Variants in IMMP2L observed in about 807,000 individuals in gnomAD.
IMMP2L encodes inner mitochondrial membrane peptidase subunit 2, also known as mitochondrial inner membrane protease subunit 2.
In IMMP2L, 18 loss-of-function variants were observed where a neutral mutation model predicts 19.3. That is an observed-to-expected ratio of 0.93 (90% CI 0.64 to 1.38). The LOEUF (loss-of-function observed/expected upper bound fraction) is 1.38, where lower values mean the gene tolerates loss of function less well. Among genes scored for constraint, IMMP2L ranks in the 40% most tolerant of loss-of-function variants. The pLI, the probability that IMMP2L is intolerant of heterozygous loss-of-function variation, is 0.00. For synonymous variants in IMMP2L, 76 were observed against 73.0 expected (o/e 1.04, Z -0.21); for missense variants, 233 against 218.2 (o/e 1.07, Z -0.43).
chr7:111,054,049 A>T (rs574214688), intron 3 of IMMP2L, among the ~76,000 whole-genome samples: 41 of 810 alleles, frequency 0.051, no homozygotes, highest in South Asian at 0.49. Context: ...CAGGAAAATA[A>T]AAAAAATGGG....
At position 111,123,726 on chromosome 7, in the gene IMMP2L, C is replaced by T; in HGVS notation, c.240-160161G>A. On this transcript the variant is annotated intron_variant, in intron 3 of 5. Transcript: ENST00000405709. The surrounding 1 kb of genome is among the most constrained non-coding windows in gnomAD (Gnocchi z 6.4). ...ATTTAAGAAAAATAGAAGCTACTAA[C>T]AACCCTAGATTGTCTTACATTCACC... 6.2e-7 allele frequency: 1 copy of T among 1,613,864 alleles called. No individual in the cohort carries two copies. The highest frequency in any genetic ancestry group is 8.5e-7 in the Non-Finnish European group (1 of 1,179,906).
chr7:111,003,637 G>A (rs1477413985), intron 3 of IMMP2L, among the ~76,000 whole-genome samples: 1 of 151,714 alleles, frequency 6.6e-6, no homozygotes, highest in Non-Finnish European at 1.5e-5. Flanking sequence ...TTAGCCTCCT[G>A]GGTGGCTGGG....
intron 3 of IMMP2L, among the ~76,000 whole-genome samples, chr7:111,390,198 G>A (rs892801949): frequency 6.6e-5 from 10 of 152,038 alleles, no homozygotes; most frequent in Admixed American, 5.2e-4. Flanking sequence ...TGGGGTATTC[G>A]ACATCCTCAG....
intron 3 of IMMP2L, among the ~76,000 whole-genome samples, chr7:111,364,481 T>C (rs745346133): frequency 6.6e-5 from 10 of 151,802 alleles, no homozygotes; most frequent in Non-Finnish European, 1.2e-4. Flanking sequence ...TACAGGATCA[T>C]ATTCAGTAGG....
chr7:111,413,881 T>C (rs935174664), intron 3 of IMMP2L, among the ~76,000 whole-genome samples: 3 of 151,762 alleles, frequency 2.0e-5, no homozygotes, highest in Non-Finnish European at 2.9e-5. Flanking sequence ...CTGCTTCCGA[T>C]ATGCTTTGTT....
intron 3 of IMMP2L, among the ~76,000 whole-genome samples, chr7:111,093,085 T>C (rs887100125): frequency 2.0e-5 from 3 of 152,160 alleles, no homozygotes; most frequent in African/African-American, 7.2e-5. Flanking sequence ...ATATAAGAAG[T>C]CAATTAATTC....
intron 3 of IMMP2L, among the ~76,000 whole-genome samples, chr7:111,028,161 C>T (rs1393299100): frequency 6.6e-6 from 1 of 151,998 alleles, no homozygotes; most frequent in African/African-American, 2.4e-5. Context: ...TGTTAATCAA[C>T]CTTCCTACAC....
rs568907685 is a variant in IMMP2L at position 111,327,210 on chromosome 7, A to G, written c.239+160028T>C. 7.9e-5 allele frequency among the ~76,000 whole-genome samples: 12 copies of G among 151,844 alleles called. No homozygotes were observed. In the South Asian group the frequency reaches 2.5e-3, roughly 32 times the overall value. On this transcript the variant is annotated intron_variant, in intron 3 of 5. Transcript: ENST00000405709. ...GTTTAATTCATAAAGGCAAAAAGGG[A>G]ATGGTGGTGGTCAGGGGCTTGGGAG... is the stretch of plus-strand genomic sequence containing the variant.
At chr7:110,674,601 A>T (rs970324166) in intron 5 of IMMP2L, among the ~76,000 whole-genome samples, 1 of 152,252 alleles carries the variant, frequency 6.6e-6, no homozygotes, top group African/African-American at 2.4e-5. Flanking sequence ...GATGATATTT[A>T]TTCTACAATA....
intron 3 of IMMP2L, among the ~76,000 whole-genome samples, chr7:111,002,108 C>T (rs1823768753): frequency 6.6e-6 from 1 of 151,854 alleles, no homozygotes; most frequent in Admixed American, 6.6e-5. Flanking sequence ...CTTCCTGATA[C>T]TATGAGAGTC....
chr7:110,702,123 C>T (rs1243207074), intron 5 of IMMP2L, among the ~76,000 whole-genome samples: 5 of 151,066 alleles, frequency 3.3e-5, no homozygotes, highest in Non-Finnish European at 5.9e-5. Flanking sequence ...TTTGTAGAGA[C>T]GGATTTTCAC....
At chr7:111,032,327 T>C (rs566991541) in intron 3 of IMMP2L, among the ~76,000 whole-genome samples, 1 of 152,080 alleles carries the variant, frequency 6.6e-6, no homozygotes, top group Non-Finnish European at 1.5e-5. Flanking sequence ...CCTACATAAA[T>C]ATGATAAACT....
intron 3 of IMMP2L, among the ~76,000 whole-genome samples, chr7:111,137,495 A>T (rs917909728): frequency 5.3e-5 from 8 of 152,136 alleles, no homozygotes; most frequent in Non-Finnish European, 1.2e-4. Context: ...ATTTTTTTCT[A>T]TTTCATACAC....
chr7:110,696,425 C>T (rs1304648030), intron 5 of IMMP2L, among the ~76,000 whole-genome samples: 21 of 119,844 alleles, frequency 1.8e-4, no homozygotes, highest in East Asian at 2.5e-4. Context: ...TCCTTTTTCT[C>T]TTTTTTTTTT....
intron 3 of IMMP2L, among the ~76,000 whole-genome samples, chr7:111,114,561 C>A (rs943146326): frequency 2.7e-4 from 41 of 151,786 alleles, no homozygotes; most frequent in Admixed American, 2.2e-3. Flanking sequence ...CATGGTGAAA[C>A]CCCATCTGTA....
Position 111,529,811 on chromosome 7 carries a change from G to A in IMMP2L, c.-2-8362C>T, listed in dbSNP as rs1258351223. 4.6e-5 allele frequency among the ~76,000 whole-genome samples: 7 copies of A among 152,248 alleles called. No individual in the cohort carries two copies. In the South Asian group the frequency reaches 8.3e-4, roughly 18 times the overall value. ...TACTAAGAGAAGAGAGGTTAAAACT[G>A]ATGTATTCAATCTTAAGTCAGCAAT... On this transcript the variant is annotated intron_variant, in intron 1 of 5. Coordinates refer to ENST00000405709, the MANE Select transcript of IMMP2L (RefSeq NM_032549.4).
Position 110,728,977 on chromosome 7 carries a change from G to A in IMMP2L, c.409-65256C>T, listed in dbSNP as rs1411003786. ...GCGATCTCAGCTCACAGCAACCTCC[G>A]TCTCCCAGGTTCAAGAGATTCTCCA... On this transcript the variant is annotated intron_variant, in intron 5 of 5. Coordinates refer to ENST00000405709, the MANE Select transcript of IMMP2L (RefSeq NM_032549.4). This position sits in a 1 kb window ranked among gnomAD's most constrained non-coding sequence, Gnocchi z 4.6. Among the ~76,000 whole-genome samples the A allele has an allele frequency of 2.0e-5, 3 of 152,074 alleles. No homozygotes were observed. Among genetic ancestry groups the A allele is most frequent in the African/African-American group, 4.8e-5 (2 of 41,398 alleles).
chr7:111,106,062 C>T, intron 3 of IMMP2L, among the ~76,000 whole-genome samples: 1 of 151,954 alleles, frequency 6.6e-6, no homozygotes, highest in Admixed American at 6.6e-5. Context: ...ATCACAGTAA[C>T]ACATAACATA....
rs1288357859 is a variant in IMMP2L at position 110,803,740 on chromosome 7, A to C, written c.408+82853T>G. ...CTATCCCCTGGGAGCACTCCCAGCAATTGGGAGAAGTCATTCCTTGAAGGA... is the reference window on the plus strand; with the variant it reads ...CTATCCCCTGGGAGCACTCCCAGCACTTGGGAGAAGTCATTCCTTGAAGGA... On this transcript the variant is annotated intron_variant, in intron 5 of 5. Coordinates refer to ENST00000405709, the MANE Select transcript of IMMP2L (RefSeq NM_032549.4). This position sits in a 1 kb window ranked among gnomAD's most constrained non-coding sequence, Gnocchi z 4.2. Among the ~76,000 whole-genome samples the C allele has an allele frequency of 6.6e-6, 1 of 152,018 alleles. No individual in the cohort carries two copies. The highest frequency in any genetic ancestry group is 1.5e-5 in the Non-Finnish European group (1 of 67,954).
Sources: allele counts gnomAD v4.1 joint callset (sites outside exome capture counted in the v4.1 genomes callset), GRCh38; gene constraint gnomAD v4.1.1; non-coding constraint Gnocchi (gnomAD v3.1); transcripts MANE v1.5; gene names NCBI Gene and HGNC (gene_info 2026-07-23, HGNC 2026-07-21).